GABRG2: variants seen among roughly 807,000 people sequenced by gnomAD.
GABRG2 encodes the protein gamma-aminobutyric acid receptor subunit gamma-2.
A neutral mutation model predicts 56.4 loss-of-function variants in GABRG2; 16 were observed. That is an observed-to-expected ratio of 0.28 (90% CI 0.19 to 0.43). The LOEUF is 0.43. Among genes scored for constraint, GABRG2 ranks in the 20% least tolerant of loss-of-function variants. The pLI is 1.00. For synonymous variants in GABRG2, 208 were observed against 205.5 expected (o/e 1.01, Z -0.10); for missense variants, 327 against 582.7 (o/e 0.56, Z 4.52).
At chr5:162,124,690 T>C (rs1240824820) in intron 6 of GABRG2, among the ~76,000 whole-genome samples, 1 of 151,762 alleles carries the variant, frequency 6.6e-6, no homozygotes, top group Non-Finnish European at 1.5e-5. Context: ...TCCCTCCACC[T>C]AGGCCAGACT....
chr5:162,069,926 C>G (rs112580273), intron 1 of GABRG2, among the ~76,000 whole-genome samples: 2,207 of 152,182 alleles, frequency 0.015, 54 homozygotes, highest in African/African-American at 0.05. Flanking sequence ...AAAATCTAGA[C>G]AAGACACAAG....
rs181459429 is a variant in GABRG2 at position 162,105,887 on chromosome 5, A to C, written c.769+1861A>C. ...CAGTTCTTCATGCTTCCAGAATGAG[A>C]AATTGGGCATTAAGTTCTGTTGTAT... On this transcript the variant is annotated intron_variant, in intron 6 of 9. Transcript: ENST00000639213. Among the ~76,000 whole-genome samples the C allele has an allele frequency of 1.8e-4, 28 of 152,124 alleles. No individual in the cohort carries two copies. The East Asian group carries it at 4.8e-3, about 26-fold the overall frequency.
At chr5:162,078,344 C>T (rs1011733260) in intron 1 of GABRG2, among the ~76,000 whole-genome samples, 18 of 132,632 alleles carry the variant, frequency 1.4e-4, no homozygotes, top group Admixed American at 6.3e-4. Flanking sequence ...GTCACCTTTA[C>T]AGGCATTACT....
At chr5:162,136,562 G>C (rs1166533500) in intron 6 of GABRG2, among the ~76,000 whole-genome samples, 1 of 151,994 alleles carries the variant, frequency 6.6e-6, no homozygotes, top group Non-Finnish European at 1.5e-5. Context: ...ATCTAGGGGA[G>C]AGATGATGGC....
Position 162,153,325 on chromosome 5 carries a change from G to C in GABRG2, c.1385G>C (p.Cys462Ser). The change falls in exon 10 of 10, where the codon TGC (cysteine) becomes TCC (serine). Residue 462 changes from cysteine to serine, a missense_variant. Physicochemically the swap from Cys to Ser is moderately radical, Grantham distance 112 (BLOSUM62 -1). This residue lies in a region of GABRG2 where 108 missense variants were observed against 144.2 expected (regional missense o/e 0.75). Coordinates refer to ENST00000639213, the MANE Select transcript of GABRG2 (RefSeq NM_198904.4). ...CGGATCTTCTTCCCCACTGCCTTCT[G>C]CCTGTTTAATCTGGTCTATTGGGTC... ...YARIFFPTAF[C>S]LFNLVYWVSY... 6.2e-7 allele frequency: 1 copy of C among 1,613,988 alleles called. No homozygotes were observed. The highest frequency in any genetic ancestry group is 8.5e-7 in the Non-Finnish European group (1 of 1,179,938).
rs367608649 is a variant in GABRG2, at chr5:162,142,899, T to TAAA, written c.922+595_922+597dup. The stretch of plus-strand genomic sequence containing the variant: ...ATGTACCCTAAAACTTAAAGCATAA[T>TAAA]AAAAAAAAAAAAAAGATTTTTTTAC... On this transcript the variant is annotated intron_variant, in intron 7 of 9. Transcript: ENST00000639213. The TAAA allele has an allele frequency of 3.0e-3, 439 of 144,980 alleles. 1 individual carries two copies. Among genetic ancestry groups the TAAA allele is most frequent in the Non-Finnish European group, 4.9e-3 (325 of 65,676 alleles). The allele number at this position is 144,980 out of a possible 1,614,324, so 9.0% of individuals were successfully genotyped here. A position where few individuals can be genotyped will look rare whatever the true frequency, so the allele number is the denominator to read the frequency against.
At chr5:162,125,199 T>C (rs1422787713) in intron 6 of GABRG2, among the ~76,000 whole-genome samples, 1 of 151,852 alleles carries the variant, frequency 6.6e-6, no homozygotes, top group Non-Finnish European at 1.5e-5. Flanking sequence ...ATCTATTGCC[T>C]ATTTTTTTCT....
intron 1 of GABRG2, among the ~76,000 whole-genome samples, chr5:162,080,222 A>C (rs1759543183): frequency 4.6e-5 from 7 of 152,184 alleles, no homozygotes. Context: ...AACAAACTAA[A>C]TAAGCTTCAA....
chr5:162,146,170 A>C (rs1317175580), intron 7 of GABRG2, among the ~76,000 whole-genome samples: 1 of 151,972 alleles, frequency 6.6e-6, no homozygotes, highest in Admixed American at 6.6e-5. Flanking sequence ...TCACCTCCCC[A>C]GTCAGGAATC....
chr5:162,116,703 C>T (rs1328251400), intron 6 of GABRG2, among the ~76,000 whole-genome samples: 11 of 151,924 alleles, frequency 7.2e-5, no homozygotes, highest in Non-Finnish European at 1.5e-4. Context: ...ATCCTTTATA[C>T]TATACATGAC....
intron 7 of GABRG2, among the ~76,000 whole-genome samples, chr5:162,147,041 T>G (rs1765002288): frequency 6.6e-6 from 1 of 151,898 alleles, no homozygotes; most frequent in Non-Finnish European, 1.5e-5. Flanking sequence ...TATTCAAGAG[T>G]GTTTTTGCTT....
intron 2 of GABRG2, 118 bp from the exon 3 acceptor site, chr5:162,095,377 T>G (rs1760922263): frequency 1.4e-6 from 1 of 699,226 alleles, no homozygotes; most frequent in South Asian, 1.6e-5. Context: ...GGTACCAAAT[T>G]AGTTGTGAAT....
intron 1 of GABRG2, among the ~76,000 whole-genome samples, chr5:162,082,117 G>A (rs1415944343): frequency 1.3e-5 from 2 of 151,748 alleles, no homozygotes; most frequent in Non-Finnish European, 3.0e-5. Context: ...GTTCTGCCTT[G>A]ATACTACTGG....
chr5:162,070,216 A>G (rs977711432), intron 1 of GABRG2, among the ~76,000 whole-genome samples: 2 of 152,146 alleles, frequency 1.3e-5, no homozygotes, highest in Non-Finnish European at 2.9e-5. Context: ...CTCTATAAAT[A>G]TGAGCTATCT....
At chr5:162,111,159 A>G (rs1398820192) in intron 6 of GABRG2, among the ~76,000 whole-genome samples, 1 of 152,178 alleles carries the variant, frequency 6.6e-6, no homozygotes, top group Non-Finnish European at 1.5e-5. Flanking sequence ...CAAGTTTTCA[A>G]TAAAATTTCA....
At chr5:162,097,989 A>G (rs1761125598) in intron 4 of GABRG2, 131 bp downstream of exon 4, 1 of 746,714 alleles carries the variant, frequency 1.3e-6, no homozygotes, top group South Asian at 1.6e-5. Flanking sequence ...TTGGCATGCT[A>G]TCAATTAGTA....
rs1561647286 is a variant in GABRG2, at chr5:162,109,415, TATATA to T, written c.769+5390_769+5394del. Among the ~76,000 whole-genome samples, 718 of 141,724 alleles carry T rather than the reference TATATA, an allele frequency of 5.1e-3. 9 individuals carry two copies. Among genetic ancestry groups the T allele is most frequent in the African/African-American group, 0.017 (631 of 37,636 alleles). 93.0% of individuals were successfully genotyped at this position (141,724 alleles called of 152,430 possible). A position where few individuals can be genotyped will look rare whatever the true frequency, so the allele number is the denominator to read the frequency against. On this transcript the variant is annotated intron_variant, in intron 6 of 9. Coordinates refer to ENST00000639213, the MANE Select transcript of GABRG2 (RefSeq NM_198904.4). Reference sequence around the variant, plus strand: ...ATATATATATATATATATATATATATATATATATTTATTTATATAAAATGAAAACA... The same window carrying T: ...ATATATATATATATATATATATATATTATTTATTTATATAAAATGAAAACA...
intron 6 of GABRG2, among the ~76,000 whole-genome samples, chr5:162,132,588 A>G (rs1280426177): frequency 6.6e-6 from 1 of 152,092 alleles, no homozygotes; most frequent in Non-Finnish European, 1.5e-5. Flanking sequence ...ATGGTTGAGT[A>G]GAAGTAAATG....
chr5:162,123,224 ATCC>A (rs1302669383), intron 6 of GABRG2, among the ~76,000 whole-genome samples: 2 of 151,752 alleles, frequency 1.3e-5, no homozygotes, highest in African/African-American at 4.8e-5. Flanking sequence ...TCTGTAAATC[ATCC>A]TCCTGATATT....
Sources: gnomAD v4.1 joint callset for allele counts (sites outside exome capture counted in the v4.1 genomes callset) on GRCh38, gnomAD v4.1.1 for gene constraint, gnomAD v4.1.1 regional missense constraint, MANE v1.5 for transcripts, NCBI Gene and HGNC (gene_info 2026-07-23, HGNC 2026-07-21) for gene names.